Variants in MAP3K7 observed in about 807,000 individuals in gnomAD.
The protein encoded by MAP3K7 is TGF-beta activated kinase 1.
In MAP3K7, 21 loss-of-function variants were observed where a neutral mutation model predicts 84.8. The ratio of observed to expected loss-of-function variants is 0.25; its 90% CI spans 0.18 to 0.36. The LOEUF is 0.36. Ranked by LOEUF, MAP3K7 falls within the 10% of genes least tolerant of loss-of-function variation. The pLI is 1.00. For synonymous variants in MAP3K7, 241 were observed against 247.7 expected, an observed-to-expected ratio of 0.97 and a Z score of 0.25; for missense variants, 503 against 747.7, an observed-to-expected ratio of 0.67 and a Z score of 3.82.
Position 90,550,493 on chromosome 6 carries a change from T to C in MAP3K7, c.924A>G (p.Gly308=). The C allele has an allele frequency of 6.2e-7, 1 of 1,611,646 alleles. No homozygotes were observed. Among genetic ancestry groups the C allele is most frequent in the African/African-American group, 1.3e-5 (1 of 74,976 alleles). The change falls in exon 9 of 17, where the codon GGA becomes GGG. Residue 308 remains glycine (G), a synonymous_variant. Transcript: ENST00000369329. ...CTGTACTGGTGGCAGAGTTGCTCTG[T>C]CCTTCATCTGAATACTGACAAGGAT... ...LQYPCQYSDE[G]QSNSATSTGS...
intron 7 of MAP3K7, 24 bp from the exon 8 acceptor site, chr6:90,552,203 G>C (rs774863377): frequency 1.9e-4 from 296 of 1,577,506 alleles, no homozygotes; most frequent in Admixed American, 4.0e-4. Context: ...TGAGAGGAAG[G>C]GGGGAAGAAT....
chr6:90,567,756 A>G (rs1015978684), intron 3 of MAP3K7, among the ~76,000 whole-genome samples: 14 of 152,376 alleles, frequency 9.2e-5, no homozygotes, highest in African/African-American at 3.4e-4. Context: ...ATAAAGACAC[A>G]TGGACACGTA....
At chr6:90,560,314 C>T (rs1051473551) in intron 4 of MAP3K7, 100 bp from the exon 5 acceptor site, 4 of 1,219,916 alleles carry the variant, frequency 3.3e-6, no homozygotes, top group South Asian at 2.7e-5. Context: ...GGGTATTTTT[C>T]TACATATACA....
intron 5 of MAP3K7, among the ~76,000 whole-genome samples, chr6:90,557,637 A>G (rs2127977333): frequency 6.6e-6 from 1 of 152,280 alleles, no homozygotes; most frequent in Non-Finnish European, 1.5e-5. Context: ...AATTATAAGA[A>G]CTCTGTAACT....
At chr6:90,575,191 A>G (rs1410918142) in intron 1 of MAP3K7, among the ~76,000 whole-genome samples, 2 of 152,214 alleles carry the variant, frequency 1.3e-5, no homozygotes, top group Non-Finnish European at 2.9e-5. Flanking sequence ...AAATATATAT[A>G]AAGAATGGAC....
chr6:90,580,424 C>T (rs557364408), intron 1 of MAP3K7, among the ~76,000 whole-genome samples: 4 of 152,222 alleles, frequency 2.6e-5, no homozygotes, highest in South Asian at 4.2e-4. Flanking sequence ...CTTTCTGAAC[C>T]GTATTCTTTT....
At chr6:90,578,529 C>A (rs1777161037) in intron 1 of MAP3K7, among the ~76,000 whole-genome samples, 1 of 152,108 alleles carries the variant, frequency 6.6e-6, no homozygotes, top group Admixed American at 6.5e-5. Flanking sequence ...CCTGGGTTGG[C>A]CTTCCAAAGT....
At chr6:90,538,980 T>C (rs765902751) in intron 12 of MAP3K7, among the ~76,000 whole-genome samples, 6 of 151,960 alleles carry the variant, frequency 3.9e-5, no homozygotes, top group Non-Finnish European at 7.4e-5. Context: ...GTTAGAAATT[T>C]TGAGATTCAC....
chr6:90,544,611 C>A lies in MAP3K7; in HGVS notation c.1232G>T (p.Gly411Val). ...GCCAAATGAAGCAGTTTTACGGTGGCCCCGTTTAGGCTTGGAATAGGCTGC... is the reference window on the plus strand; with the variant it reads ...GCCAAATGAAGCAGTTTTACGGTGGACCCGTTTAGGCTTGGAATAGGCTGC... ...ATTAYSKPKR[G>V]HRKTASFGNI... Residue 411 changes from glycine (G) to valine (V), a missense_variant, in exon 12 of 17, where the codon GGC becomes GTC. By Grantham distance (109) the Gly-to-Val change is moderately radical (BLOSUM62 -3). Around this residue, in one of 5 missense-constraint regions of MAP3K7, gnomAD observed 286 missense variants for 313.6 expected, o/e 0.91. Coordinates refer to ENST00000369329, the MANE Select transcript of MAP3K7 (RefSeq NM_145331.3). 1 of 1,612,346 alleles carries A rather than the reference C, an allele frequency of 6.2e-7. No individual in the cohort carries two copies. The highest frequency in any genetic ancestry group is 8.5e-7 in the Non-Finnish European group (1 of 1,178,856).
At chr6:90,586,655 G>A in intron 1 of MAP3K7, 109 bp downstream of exon 1, 1 of 1,435,240 alleles carries the variant, frequency 7.0e-7, no homozygotes, top group South Asian at 1.4e-5. Context: ...GGACCCCGCA[G>A]GGTCCCGCGA....
intron 6 of MAP3K7, among the ~76,000 whole-genome samples, chr6:90,555,111 T>C (rs1776293830): frequency 6.6e-6 from 1 of 152,236 alleles, no homozygotes; most frequent in South Asian, 2.1e-4. Context: ...AAAGATAATT[T>C]GATGTTTTTA....
intron 7 of MAP3K7, among the ~76,000 whole-genome samples, chr6:90,552,386 CT>C (rs1455302058): frequency 2.0e-5 from 3 of 152,104 alleles, no homozygotes; most frequent in African/African-American, 7.2e-5. Flanking sequence ...CAATTATTTA[CT>C]GACAACTGAT....
At chr6:90,529,386 G>A (rs1775426187) in intron 13 of MAP3K7, among the ~76,000 whole-genome samples, 1 of 152,158 alleles carries the variant, frequency 6.6e-6, no homozygotes, top group South Asian at 2.1e-4. Flanking sequence ...ATACTTTGGA[G>A]ACCTGGGGTT....
intron 4 of MAP3K7, among the ~76,000 whole-genome samples, chr6:90,561,022 G>A (rs1328396350): frequency 6.6e-6 from 1 of 152,076 alleles, no homozygotes; most frequent in Admixed American, 6.5e-5. Context: ...CACATGGGCA[G>A]TAAATATAAG....
intron 1 of MAP3K7, among the ~76,000 whole-genome samples, chr6:90,578,777 T>C (rs1777170482): frequency 6.6e-6 from 1 of 152,126 alleles, no homozygotes; most frequent in Non-Finnish European, 1.5e-5. Context: ...CTACGTAGCA[T>C]AAAAAAAGCT....
chr6:90,550,739 C>A, intron 8 of MAP3K7, 190 bp from the exon 9 acceptor site: 1 of 455,602 alleles, frequency 2.2e-6, no homozygotes, highest in Non-Finnish European at 3.9e-6. Flanking sequence ...AAGAATCTAG[C>A]TTACATTGGA....
intron 1 of MAP3K7, among the ~76,000 whole-genome samples, chr6:90,578,260 G>A (rs1777151011): frequency 6.6e-6 from 1 of 152,068 alleles, no homozygotes; most frequent in Non-Finnish European, 1.5e-5. Context: ...GAGGACAGGA[G>A]TTTGTTTTGT....
intron 1 of MAP3K7, among the ~76,000 whole-genome samples, chr6:90,583,532 G>C (rs766318207): frequency 9.2e-5 from 14 of 152,292 alleles, no homozygotes; most frequent in Admixed American, 2.0e-4. Flanking sequence ...TTCTATAGGA[G>C]ACCATGATCA....
At chr6:90,537,673 T>C (rs1206236994) in intron 12 of MAP3K7, among the ~76,000 whole-genome samples, 1 of 151,946 alleles carries the variant, frequency 6.6e-6, no homozygotes, top group East Asian at 1.9e-4. Context: ...TTCCAAAAAT[T>C]TCAACTTTTC....
Sources: allele counts gnomAD v4.1 joint callset (sites outside exome capture counted in the v4.1 genomes callset), GRCh38; gene constraint gnomAD v4.1.1; regional missense constraint gnomAD v4.1.1; transcripts MANE v1.5; gene names NCBI Gene and HGNC (gene_info 2026-07-23, HGNC 2026-07-21).